Variants in RAI14 observed in about 807,000 individuals in gnomAD.
RAI14 encodes the protein retinoic acid induced 14.
Under a neutral mutation model 115.4 loss-of-function variants are expected in RAI14, and 45 were observed. The ratio of observed to expected loss-of-function variants is 0.39; its 90% CI spans 0.31 to 0.50. The LOEUF is 0.50. Ranked by LOEUF, RAI14 falls within the 20% of genes least tolerant of loss-of-function variation. RAI14 has a pLI of 0.85. For missense variants in RAI14, 939 were observed against 1,131.2 expected (o/e 0.83, Z 2.44); for synonymous variants, 371 against 415.4 (o/e 0.89, Z 1.30).
At chr5:34,703,913 A>G (rs771836569) in intron 2 of RAI14, among the ~76,000 whole-genome samples, 36 of 152,332 alleles carry the variant, frequency 2.4e-4, no homozygotes, top group Non-Finnish European at 3.8e-4. Context: ...ATTTACCTCA[A>G]TTGAGTACAT....
chr5:34,674,336 G>T (rs957762604), intron 1 of RAI14, among the ~76,000 whole-genome samples: 4 of 152,166 alleles, frequency 2.6e-5, no homozygotes, highest in African/African-American at 9.7e-5. Context: ...TGACACCACT[G>T]CGATCATTGT....
At position 34,827,267 on chromosome 5, in the gene RAI14, A is replaced by G. The variant is rs1430523836; in HGVS notation, c.2799+788A>G. On this transcript the variant is annotated intron_variant, in intron 16 of 17. Coordinates refer to ENST00000265109, the MANE Select transcript of RAI14 (RefSeq NM_015577.3). This position sits in a 1 kb window ranked among gnomAD's most constrained non-coding sequence, Gnocchi z 4.2. ...GCTCTTGTGATTACATCTAAAGCCC[A>G]CCTAGATAATCCACGATAATCTCCC... is the stretch of plus-strand genomic sequence containing the variant. 6.6e-6 allele frequency among the ~76,000 whole-genome samples: 1 copy of G among 151,468 alleles called. No homozygotes were observed. The highest frequency in any genetic ancestry group is 1.5e-5 in the Non-Finnish European group (1 of 67,952).
At chr5:34,760,263 G>T (rs539998489) in intron 3 of RAI14, among the ~76,000 whole-genome samples, 235 of 152,196 alleles carry the variant, frequency 1.5e-3, no homozygotes, top group African/African-American at 5.5e-3. Context: ...TGGCCAGGAT[G>T]GTCTCGATCT....
intron 3 of RAI14, among the ~76,000 whole-genome samples, chr5:34,762,645 A>G (rs141808015): frequency 6.6e-6 from 1 of 152,338 alleles, no homozygotes; most frequent in African/African-American, 2.4e-5. Flanking sequence ...CAAGAGTTAT[A>G]GCTGCAGCCT....
chr5:34,796,093 TA>T (rs1185460662), intron 4 of RAI14, 66 bp downstream of exon 4: 2 of 1,309,086 alleles, frequency 1.5e-6, no homozygotes, highest in Non-Finnish European at 2.2e-6. Context: ...AAGTAATACA[TA>T]TTCATTATGG....
Position 34,808,648 on chromosome 5 carries a change from A to C in RAI14, c.444A>C (p.Lys148Asn). The C allele has an allele frequency of 1.2e-6, 2 of 1,614,142 alleles. No homozygotes were observed. Among genetic ancestry groups the C allele is most frequent in the Non-Finnish European group, 1.7e-6 (2 of 1,179,980 alleles). The change falls in exon 7 of 18, where the codon AAA becomes AAC. Residue 148 changes from lysine (K) to asparagine (N), a missense_variant. Lys to Asn is a moderately conservative substitution (Grantham distance 94). Transcript: ENST00000265109. Reference protein sequence around the residue: ...LCEHKSPINLKDLDGNIPLLL... With the variant: ...LCEHKSPINLNDLDGNIPLLL... ...AACACAAGAGCCCCATAAACCTCAA[A>C]GATTTGGTAAGTACCAGGTGGTCAC...
At chr5:34,727,417 G>A (rs1222123324) in intron 2 of RAI14, among the ~76,000 whole-genome samples, 1 of 152,228 alleles carries the variant, frequency 6.6e-6, no homozygotes, top group East Asian at 1.9e-4. Flanking sequence ...CAAGTCTGTT[G>A]TAGAAATTTG....
At chr5:34,698,662 G>A (rs1319698405) in intron 2 of RAI14, among the ~76,000 whole-genome samples, 2 of 152,158 alleles carry the variant, frequency 1.3e-5, no homozygotes, top group African/African-American at 4.8e-5. Context: ...CTCTAATGGA[G>A]AAGGATATAT....
intron 2 of RAI14, among the ~76,000 whole-genome samples, chr5:34,724,097 A>C (rs751890798): frequency 1.3e-5 from 2 of 152,140 alleles, no homozygotes; most frequent in Non-Finnish European, 2.9e-5. Context: ...GCTCACTGCA[A>C]ACTCTGCCTC....
intron 2 of RAI14, among the ~76,000 whole-genome samples, chr5:34,725,270 T>A (rs1743299803): frequency 6.6e-6 from 1 of 152,126 alleles, no homozygotes; most frequent in Non-Finnish European, 1.5e-5. Context: ...GAAGCATTAT[T>A]TTCTGTCAGT....
chr5:34,660,025 A>T (rs1333532746), intron 1 of RAI14, among the ~76,000 whole-genome samples: 1 of 152,030 alleles, frequency 6.6e-6, no homozygotes, highest in Non-Finnish European at 1.5e-5. Context: ...AAAAAATACA[A>T]AAATTAGCTG....
rs1744821238 is a variant in RAI14, at chr5:34,735,955, A to G, written c.37-21513A>G. On this transcript the variant is annotated intron_variant, in intron 2 of 17. Coordinates refer to ENST00000265109, the MANE Select transcript of RAI14 (RefSeq NM_015577.3). Reference sequence around the variant, plus strand: ...AGAATACGTGATACAAGTGATCATGACAAAATAGTGAACTTTTACTCAGCA... The same window carrying G: ...AGAATACGTGATACAAGTGATCATGGCAAAATAGTGAACTTTTACTCAGCA... 1.3e-5 allele frequency among the ~76,000 whole-genome samples: 2 copies of G among 152,252 alleles called. 1 individual carries two copies. Among genetic ancestry groups the G allele is most frequent in the South Asian group, 4.1e-4 (2 of 4,830 alleles).
intron 15 of RAI14, 96 bp from the exon 16 acceptor site, chr5:34,826,234 C>A: frequency 1.6e-6 from 2 of 1,212,716 alleles, no homozygotes; most frequent in Non-Finnish European, 1.1e-6. Flanking sequence ...GTCCCAGAGG[C>A]CAAAAGAGAT....
rs1757145714 is a variant in RAI14 at position 34,823,666 on chromosome 5, C to T, written c.1824C>T (p.Ile608=). The change falls in exon 15 of 18, where the codon ATC becomes ATT. Residue 608 remains isoleucine, a synonymous_variant. Coordinates refer to ENST00000265109, the MANE Select transcript of RAI14 (RefSeq NM_015577.3). The surrounding 1 kb of genome is among the most constrained non-coding windows in gnomAD (Gnocchi z 4.5). The stretch of plus-strand genomic sequence containing the variant: ...AATACCAAGAAGCCCAAGAAGAAAT[C>T]ATGAAATTAAAAGACACACTAAAAA... ...FEKYQEAQEE[I]MKLKDTLKSQ... is the part of the protein sequence containing the mutation. The T allele has an allele frequency of 1.9e-6, 3 of 1,613,670 alleles. No homozygotes were observed. The highest frequency in any genetic ancestry group is 2.5e-6 in the Non-Finnish European group (3 of 1,179,948).
At chr5:34,810,902 G>T in intron 7 of RAI14, 110 bp from the exon 8 acceptor site, 3 of 1,520,204 alleles carry the variant, frequency 2.0e-6, no homozygotes, top group Non-Finnish European at 2.7e-6. Flanking sequence ...TACTAGATCA[G>T]CAGTCAGCAG....
At chr5:34,754,963 A>T (rs983433042) in intron 2 of RAI14, among the ~76,000 whole-genome samples, 1 of 152,176 alleles carries the variant, frequency 6.6e-6, no homozygotes, top group Admixed American at 6.5e-5. Flanking sequence ...CTGAGATTTG[A>T]TCATATCCTT....
At chr5:34,813,526 C>G in intron 10 of RAI14, 48 bp from the exon 11 acceptor site, 3 of 1,404,200 alleles carry the variant, frequency 2.1e-6, no homozygotes, top group Non-Finnish European at 3.0e-6. Flanking sequence ...CCAGACTTTA[C>G]TAACCAAACT....
intron 3 of RAI14, among the ~76,000 whole-genome samples, chr5:34,769,375 C>T (rs993233241): frequency 2.0e-5 from 3 of 152,138 alleles, no homozygotes; most frequent in Non-Finnish European, 4.4e-5. Context: ...TTTAGTTTTT[C>T]AAGGCTTTTA....
chr5:34,722,291 T>C (rs971826798), intron 2 of RAI14, among the ~76,000 whole-genome samples: 1 of 148,936 alleles, frequency 6.7e-6, no homozygotes, highest in African/African-American at 2.5e-5. Context: ...AGGAGAAAAT[T>C]TGGACTCATG....
Sources: allele counts gnomAD v4.1 joint callset (sites outside exome capture counted in the v4.1 genomes callset), GRCh38; gene constraint gnomAD v4.1.1; non-coding constraint Gnocchi (gnomAD v3.1); transcripts MANE v1.5; gene names NCBI Gene and HGNC (gene_info 2026-07-23, HGNC 2026-07-21).